Variants in MYO9B observed in about 807,000 individuals in gnomAD.
MYO9B encodes unconventional myosin-IXb.
Under a neutral mutation model 229.5 loss-of-function variants are expected in MYO9B, and 71 were observed. The ratio of observed to expected loss-of-function variants is 0.31; its 90% CI spans 0.26 to 0.38. The LOEUF is 0.38. Among genes scored for constraint, MYO9B ranks in the 10% least tolerant of loss-of-function variants. MYO9B has a pLI of 1.00. For missense variants in MYO9B, 2,255 were observed against 2,920.5 expected (o/e 0.77, Z 5.25); for synonymous variants, 1,185 against 1,235.8 (o/e 0.96, Z 0.86).
Position 17,192,987 on chromosome 19 carries a change from G to T in MYO9B, c.3053G>T (p.Arg1018Leu). Residue 1018 changes from arginine to leucine, a missense_variant, in exon 21 of 40, where the codon CGG (arginine) becomes CTG (leucine). Around this residue, in one of 7 missense-constraint regions of MYO9B, gnomAD observed 679 missense variants for 770.2 expected, o/e 0.88. Coordinates refer to ENST00000682292, the MANE Select transcript of MYO9B (RefSeq NM_004145.4). The part of the protein sequence containing the change: ...LQASWRGYWQ[R>L]KLYRHQKQSI... ...GCCTCATGGAGGGGCTACTGGCAGCGGAAGCTCTACCGGCACCAGAAACAG... is the reference window on the plus strand; with the variant it reads ...GCCTCATGGAGGGGCTACTGGCAGCTGAAGCTCTACCGGCACCAGAAACAG... 6.6e-7 allele frequency: 1 copy of T among 1,517,592 alleles called. No individual in the cohort carries two copies. The allele number at this position is 1,517,592 out of a possible 1,614,324, so 94.0% of individuals were successfully genotyped here. A position where few individuals can be genotyped will look rare whatever the true frequency, so the allele number is the denominator to read the frequency against.
chr19:17,157,276 G>T (rs889529757), intron 7 of MYO9B: 2 of 441,620 alleles, frequency 4.5e-6, no homozygotes, highest in African/African-American at 4.0e-5. Flanking sequence ...CAGCTCAGGG[G>T]CCGGGTGCGG....
At chr19:17,175,526 C>G in intron 13 of MYO9B, 137 bp from the exon 14 acceptor site, 1 of 505,818 alleles carries the variant, frequency 2.0e-6, no homozygotes, top group Non-Finnish European at 3.4e-6. Context: ...TTGCAGTGGG[C>G]CGAGATCGCG....
intron 1 of MYO9B, among the ~76,000 whole-genome samples, chr19:17,083,710 G>A (rs910966042): frequency 1.3e-5 from 2 of 149,820 alleles, no homozygotes; most frequent in Admixed American, 6.7e-5. Context: ...GCAATGGCAC[G>A]GCCTCGGCTC....
rs144903302 is a variant in MYO9B, at chr19:17,197,443, G to C, written c.4047-349G>C. ...AGATAGATAGATAGATAGATAGATA[G>C]ATAGATACATAGATAGATAGATGGG... is the stretch of plus-strand genomic sequence containing the variant. On this transcript the variant is annotated intron_variant, in intron 22 of 39. Transcript: ENST00000682292. Among the ~76,000 whole-genome samples, 168 of 147,714 alleles carry C rather than the reference G, an allele frequency of 1.1e-3. 1 individual carries two copies. The highest frequency in any genetic ancestry group is 5.4e-3 in the South Asian group (26 of 4,780).
intron 5 of MYO9B, 51 bp from the exon 6 acceptor site, chr19:17,154,264 C>A: frequency 1.3e-6 from 2 of 1,559,194 alleles, no homozygotes; most frequent in South Asian, 2.2e-5. Context: ...TCTGGCACGC[C>A]ACCCTTGCCG....
Position 17,211,655 on chromosome 19 carries a change from T to C in MYO9B, c.5939T>C (p.Ile1980Thr). 1.2e-6 allele frequency: 2 copies of C among 1,604,226 alleles called. No homozygotes were observed. The highest frequency in any genetic ancestry group is 1.7e-6 in the Non-Finnish European group (2 of 1,175,708). Residue 1980 changes from isoleucine to threonine, a missense_variant, in exon 39 of 40, where the codon ATC (isoleucine) becomes ACC (threonine). Ile to Thr is a moderately conservative substitution (Grantham distance 89). Transcript: ENST00000682292. ...IQSIKEEKED[I>T]TYRLPELDPR... is the part of the protein sequence containing the mutation. ...TACCCTTTTTCCTCCAGGGAGGACA[T>C]CACCTACCGGCTGCCGGAGCTGGAC...
chr19:17,161,500 G>A (rs2072601633), intron 8 of MYO9B, among the ~76,000 whole-genome samples: 1 of 151,642 alleles, frequency 6.6e-6, no homozygotes, highest in Non-Finnish European at 1.5e-5. Flanking sequence ...GCAACATAGT[G>A]AGACCCCGTC....
chr19:17,202,743 G>T (rs1030524149), intron 28 of MYO9B, 99 bp from the exon 29 acceptor site: 2 of 1,246,170 alleles, frequency 1.6e-6, no homozygotes, highest in South Asian at 1.4e-5. Flanking sequence ...GTGAGGGAGG[G>T]TTCAGGGTAC....
chr19:17,209,470 T>G, intron 35 of MYO9B, 116 bp from the exon 36 acceptor site: 1 of 1,131,816 alleles, frequency 8.8e-7, no homozygotes, highest in Admixed American at 2.3e-5. Flanking sequence ...TCCCAGGCAC[T>G]GCTTGGTCTC....
intron 2 of MYO9B, among the ~76,000 whole-genome samples, chr19:17,114,267 AT>A (rs1568668979): frequency 6.6e-6 from 1 of 152,162 alleles, no homozygotes; most frequent in East Asian, 1.9e-4. Flanking sequence ...GGAGTTACAC[AT>A]CAACCCGACC....
intron 2 of MYO9B, among the ~76,000 whole-genome samples, chr19:17,110,038 T>C (rs1035627383): frequency 2.0e-5 from 3 of 152,110 alleles, no homozygotes; most frequent in Non-Finnish European, 2.9e-5. Context: ...GCTGCCTCTC[T>C]GCTCTCCCCT....
chr19:17,176,575 A>G (rs1035625962), intron 14 of MYO9B, among the ~76,000 whole-genome samples: 2 of 152,200 alleles, frequency 1.3e-5, no homozygotes, highest in Admixed American at 1.3e-4. Flanking sequence ...TTTTCTGGAC[A>G]CAGAATAGCA....
At chr19:17,161,987 C>CAAAA (rs71180369) in intron 8 of MYO9B, among the ~76,000 whole-genome samples, 3 of 110,228 alleles carry the variant, frequency 2.7e-5, no homozygotes, top group Non-Finnish European at 3.7e-5. Flanking sequence ...GACCCTGTGT[C>CAAAA]AAAAAAAAAA....
Position 17,212,036 on chromosome 19 carries a change from C to T in MYO9B, c.6200C>T (p.Thr2067Met), listed in dbSNP as rs200621726. 357 of 1,609,404 alleles carry T rather than the reference C, an allele frequency of 2.2e-4. No homozygotes were observed. The African/African-American group carries it at 2.6e-3, about 12-fold the overall frequency. Residue 2067 changes from threonine to methionine, a missense_variant, in exon 40 of 40, where the codon ACG becomes ATG. This residue lies in a region of MYO9B where 331 missense variants were observed against 332.5 expected (regional missense o/e 1.00). Coordinates refer to ENST00000682292, the MANE Select transcript of MYO9B (RefSeq NM_004145.4). The surrounding 1 kb of genome is among the most constrained non-coding windows in gnomAD (Gnocchi z 5.4). ...KTPRRTPIMP[T>M]ANIKLPPGLP... ...CCCCGGCGGACCCCCATCATGCCCA[C>T]GGCCAACATCAAGCTCCCACCAGGC...
In MYO9B at chr19:17,172,528, A is replaced by C; in HGVS notation, c.1935+51A>C. The C allele has an allele frequency of 6.2e-7, 1 of 1,600,150 alleles. No homozygotes were observed. The highest frequency in any genetic ancestry group is 1.1e-5 in the South Asian group (1 of 89,198). On this transcript the variant is annotated intron_variant, in intron 12 of 39. Coordinates refer to ENST00000682292, the MANE Select transcript of MYO9B (RefSeq NM_004145.4). This position sits in a 1 kb window ranked among gnomAD's most constrained non-coding sequence, Gnocchi z 8.2. ...TGGAAGCCTGAGGGAAGCCACAGTC[A>C]GCCCAGAAGCCCATGTGGGAGGATC...
In MYO9B at chr19:17,191,160, T is replaced by G; in HGVS notation, c.2752T>G (p.Ser918Ala). The change falls in exon 20 of 40, where the codon TCC becomes GCC. Residue 918 changes from serine (S) to alanine (A), a missense_variant. This residue lies in a region of MYO9B where 679 missense variants were observed against 770.2 expected (regional missense o/e 0.88). Coordinates refer to ENST00000682292, the MANE Select transcript of MYO9B (RefSeq NM_004145.4). Reference protein sequence around the residue: ...KDAQPCREVISTLLEKMKIDK... With the variant: ...KDAQPCREVIATLLEKMKIDK... Reference sequence around the variant, plus strand: ...TGCCCAGCCCTGCAGGGAGGTCATCTCCACCCTCCTGGAGAAAATGAAGAT... The same window carrying G: ...TGCCCAGCCCTGCAGGGAGGTCATCGCCACCCTCCTGGAGAAAATGAAGAT... The G allele has an allele frequency of 6.2e-7, 1 of 1,612,296 alleles. No homozygotes were observed. Among genetic ancestry groups the G allele is most frequent in the Non-Finnish European group, 8.5e-7 (1 of 1,179,082 alleles).
Position 17,193,027 on chromosome 19 carries a change from G to A in MYO9B, c.3093G>A (p.Leu1031=). Residue 1031 remains leucine, a synonymous_variant, in exon 21 of 40, where the codon CTG becomes CTA. Transcript: ENST00000682292. The surrounding 1 kb of genome is among the most constrained non-coding windows in gnomAD (Gnocchi z 4.3). ...ACCAGAAACAGAGCATCATCCGCCT[G>A]CAGAGCCTGTGTCGGGGGCACCTGC... ...YRHQKQSIIR[L]QSLCRGHLQR... The A allele has an allele frequency of 6.7e-7, 1 of 1,483,822 alleles. No homozygotes were observed. Among genetic ancestry groups the A allele is most frequent in the Non-Finnish European group, 9.0e-7 (1 of 1,113,214 alleles). The allele number at this position is 1,483,822 out of a possible 1,614,324, so 91.9% of individuals were successfully genotyped here.
At chr19:17,129,328 G>A (rs2072165207) in intron 2 of MYO9B, among the ~76,000 whole-genome samples, 2 of 152,216 alleles carry the variant, frequency 1.3e-5, no homozygotes, top group Admixed American at 1.3e-4. Context: ...CTCGAGCCCG[G>A]GAGGTGGAGG....
chr19:17,116,641 G>C (rs2057906605), intron 2 of MYO9B, among the ~76,000 whole-genome samples: 1 of 152,190 alleles, frequency 6.6e-6, no homozygotes, highest in Non-Finnish European at 1.5e-5. Flanking sequence ...AGAGCACAGA[G>C]AGCAGCAGGC....
Sources: gnomAD v4.1 joint callset for allele counts (sites outside exome capture counted in the v4.1 genomes callset) on GRCh38, gnomAD v4.1.1 for gene constraint, gnomAD v4.1.1 regional missense constraint, Gnocchi (gnomAD v3.1) non-coding constraint, MANE v1.5 for transcripts, NCBI Gene and HGNC (gene_info 2026-07-23, HGNC 2026-07-21) for gene names.